Variants in MYO1D observed in about 807,000 individuals in gnomAD.
The protein encoded by MYO1D is unconventional myosin-Id.
MYO1D carries 83 observed loss-of-function variants against 122.0 expected under a neutral mutation model. The observed-to-expected ratio is 0.68, with a 90% CI of 0.57 to 0.82. MYO1D has a LOEUF of 0.82. Among genes scored for constraint, MYO1D ranks in the 40% least tolerant of loss-of-function variants. MYO1D has a pLI of 0.00. For synonymous variants in MYO1D, 464 were observed against 446.9 expected (o/e 1.04, Z -0.48); for missense variants, 1,157 against 1,269.5 (o/e 0.91, Z 1.35).
At chr17:32,534,702 T>C (rs1261150733) in intron 21 of MYO1D, among the ~76,000 whole-genome samples, 1 of 152,210 alleles carries the variant, frequency 6.6e-6, no homozygotes, top group Non-Finnish European at 1.5e-5. Flanking sequence ...CTGATGTTTC[T>C]CTGACAAATG....
chr17:32,793,340 T>G (rs2090377058), intron 1 of MYO1D, among the ~76,000 whole-genome samples: 1 of 151,850 alleles, frequency 6.6e-6, no homozygotes, highest in Non-Finnish European at 1.5e-5. Context: ...ATTCCCTTCT[T>G]GTTCTCATTC....
In MYO1D at chr17:32,526,056, G is replaced by A. The variant is rs568161055; in HGVS notation, c.2865-31141C>T. On this transcript the variant is annotated intron_variant, in intron 21 of 21. Coordinates refer to ENST00000318217, the MANE Select transcript of MYO1D (RefSeq NM_015194.3). ...ATTTGTCATTTTTTCCTCAATATTGGCATCACTTTTAGGAGCCTTTCCGAT... is the reference window on the plus strand; with the variant it reads ...ATTTGTCATTTTTTCCTCAATATTGACATCACTTTTAGGAGCCTTTCCGAT... Among the ~76,000 whole-genome samples, 12 of 152,112 alleles carry A rather than the reference G, an allele frequency of 7.9e-5. No homozygotes were observed. In the South Asian group the frequency reaches 2.5e-3, roughly 32 times the overall value.
intron 20 of MYO1D, among the ~76,000 whole-genome samples, chr17:32,613,502 G>A (rs982115901): frequency 4.6e-5 from 7 of 152,108 alleles, no homozygotes; most frequent in African/African-American, 1.2e-4. Flanking sequence ...TAGGCCAGGT[G>A]CAGTGGCTCA....
At position 32,866,160 on chromosome 17, in the gene MYO1D, G is replaced by GCATGGGT. The variant is rs1280480283; in HGVS notation, c.95+10611_95+10617dup. Among the ~76,000 whole-genome samples the GCATGGGT allele has an allele frequency of 2.6e-5, 4 of 152,238 alleles. No homozygotes were observed. In the East Asian group the frequency reaches 7.7e-4, roughly 29 times the overall value. The stretch of plus-strand genomic sequence containing the variant: ...GCCTCCCCAGTAGCTGGGACCACAG[G>GCATGGGT]CATGGGTCATTGCACCTGGCTCCTC... On this transcript the variant is annotated intron_variant, in intron 1 of 21. Coordinates refer to ENST00000318217, the MANE Select transcript of MYO1D (RefSeq NM_015194.3).
intron 1 of MYO1D, among the ~76,000 whole-genome samples, chr17:32,867,082 T>C (rs562318060): frequency 6.6e-6 from 1 of 152,278 alleles, no homozygotes; most frequent in South Asian, 2.1e-4. Flanking sequence ...GAATGGATTG[T>C]CTTGGGAGGC....
At chr17:32,500,459 G>GTGAC (rs1187040337) in intron 21 of MYO1D, among the ~76,000 whole-genome samples, 1 of 152,212 alleles carries the variant, frequency 6.6e-6, no homozygotes, top group Non-Finnish European at 1.5e-5. Flanking sequence ...GCCGCCTTAA[G>GTGAC]TGACAGTTGC....
Position 32,760,645 on chromosome 17 carries a change from T to C in MYO1D, c.1036-18A>G. ...TATATTGCCTGCAAGGAAAATAGCA[T>C]CATAAATGCTTGCCAATTTGGGAAT... On this transcript the variant is annotated intron_variant, in intron 8 of 21. Coordinates refer to ENST00000318217, the MANE Select transcript of MYO1D (RefSeq NM_015194.3). 1.9e-6 allele frequency: 3 copies of C among 1,587,536 alleles called. No individual in the cohort carries two copies. Among genetic ancestry groups the C allele is most frequent in the Non-Finnish European group, 2.6e-6 (3 of 1,168,120 alleles).
intron 21 of MYO1D, among the ~76,000 whole-genome samples, chr17:32,521,503 T>C (rs1023907853): frequency 7.9e-5 from 12 of 152,218 alleles, no homozygotes; most frequent in African/African-American, 2.2e-4. Context: ...CTGTGTTTAG[T>C]AGCCATAGCG....
chr17:32,654,004 G>T lies in MYO1D; in HGVS notation c.2491-57C>A, dbSNP rs992260993. 2.2e-5 allele frequency: 30 copies of T among 1,394,784 alleles called. No homozygotes were observed. In the East Asian group the frequency reaches 2.3e-4, roughly 11 times the overall value. 86.4% of individuals were successfully genotyped at this position (1,394,784 alleles called of 1,614,324 possible). ...TATGCTTAGCATTTTAGAAGGAAAGGCAATCTTTCAGTGTACTGCTTTATA... is the reference window on the plus strand; with the variant it reads ...TATGCTTAGCATTTTAGAAGGAAAGTCAATCTTTCAGTGTACTGCTTTATA... On this transcript the variant is annotated intron_variant, in intron 18 of 21. Coordinates refer to ENST00000318217, the MANE Select transcript of MYO1D (RefSeq NM_015194.3).
At chr17:32,707,393 A>G (rs1321653579) in intron 16 of MYO1D, among the ~76,000 whole-genome samples, 1 of 152,172 alleles carries the variant, frequency 6.6e-6, no homozygotes, top group Non-Finnish European at 1.5e-5. Context: ...ATTTAGAGAA[A>G]AGAGTTCACT....
intron 14 of MYO1D, among the ~76,000 whole-genome samples, chr17:32,727,415 C>A (rs183532356): frequency 4.6e-4 from 70 of 152,284 alleles, no homozygotes; most frequent in African/African-American, 1.6e-3. Flanking sequence ...CTCAGGCAAA[C>A]CCAAAGTATA....
intron 21 of MYO1D, among the ~76,000 whole-genome samples, chr17:32,561,688 C>CAAAAAA (rs60531756): frequency 2.8e-5 from 2 of 71,790 alleles, no homozygotes; most frequent in African/African-American, 5.4e-5. Flanking sequence ...GGCTCTGTCT[C>CAAAAAA]AAAAAAAAAA....
At chr17:32,858,705 C>T (rs1454130224) in intron 1 of MYO1D, among the ~76,000 whole-genome samples, 1 of 152,164 alleles carries the variant, frequency 6.6e-6, no homozygotes, top group African/African-American at 2.4e-5. Flanking sequence ...TCCACTGTAA[C>T]AATAATCTTT....
intron 1 of MYO1D, among the ~76,000 whole-genome samples, chr17:32,819,808 T>G (rs1402920859): frequency 1.3e-5 from 2 of 152,218 alleles, no homozygotes; most frequent in Non-Finnish European, 2.9e-5. Flanking sequence ...AAAACCACAT[T>G]ATATAGGATC....
At chr17:32,708,423 T>C (rs2089335300) in intron 16 of MYO1D, among the ~76,000 whole-genome samples, 4 of 152,222 alleles carry the variant, frequency 2.6e-5, no homozygotes, top group African/African-American at 7.2e-5. Flanking sequence ...GCATAATTTA[T>C]TTATATTATC....
intron 21 of MYO1D, among the ~76,000 whole-genome samples, chr17:32,543,546 A>G (rs924939492): frequency 6.6e-6 from 1 of 151,794 alleles, no homozygotes; most frequent in East Asian, 1.9e-4. Flanking sequence ...ACTGCACTCC[A>G]GCCTGCGCAA....
intron 1 of MYO1D, among the ~76,000 whole-genome samples, chr17:32,842,882 C>A (rs2090896470): frequency 1.6e-5 from 2 of 127,708 alleles, no homozygotes; most frequent in South Asian, 2.7e-4. Flanking sequence ...ATTTCTATTT[C>A]TTTCTTTTTT....
At chr17:32,738,977 A>G (rs2089742500) in intron 13 of MYO1D, among the ~76,000 whole-genome samples, 1 of 152,204 alleles carries the variant, frequency 6.6e-6, no homozygotes. Flanking sequence ...GGCAGTTACA[A>G]TATTTTATTG....
At chr17:32,708,309 C>T (rs1238698761) in intron 16 of MYO1D, among the ~76,000 whole-genome samples, 1 of 152,076 alleles carries the variant, frequency 6.6e-6, no homozygotes, top group Non-Finnish European at 1.5e-5. Flanking sequence ...AAAGGATGGC[C>T]ACCACAATGT....
Sources: allele counts gnomAD v4.1 joint callset (sites outside exome capture counted in the v4.1 genomes callset), GRCh38; gene constraint gnomAD v4.1.1; transcripts MANE v1.5; gene names NCBI Gene and HGNC (gene_info 2026-07-23, HGNC 2026-07-21).